Variants in PCDH7 observed in about 807,000 individuals in gnomAD.
The protein encoded by PCDH7 is protocadherin-7.
Under a neutral mutation model 58.9 loss-of-function variants are expected in PCDH7, and 17 were observed. The ratio of observed to expected loss-of-function variants is 0.29; its 90% CI spans 0.20 to 0.43. PCDH7 has a LOEUF of 0.43. Ranked by LOEUF, PCDH7 falls within the 20% of genes least tolerant of loss-of-function variation. The probability of loss-of-function intolerance (pLI) is 1.00; values close to 1 mark genes in which losing one functional copy is unlikely to be tolerated. For synonymous variants in PCDH7, 664 were observed against 616.4 expected, an observed-to-expected ratio of 1.08 and a Z score of -1.14; for missense variants, 1,274 against 1,441.0, an observed-to-expected ratio of 0.88 and a Z score of 1.88.
intron 1 of PCDH7, among the ~76,000 whole-genome samples, chr4:30,757,294 C>T (rs1719431624): frequency 6.6e-6 from 1 of 152,134 alleles, no homozygotes; most frequent in Non-Finnish European, 1.5e-5. Context: ...AAGAGTTATT[C>T]CAAAAAAATA....
intron 2 of PCDH7, among the ~76,000 whole-genome samples, chr4:30,937,924 C>T (rs1426933244): frequency 6.6e-6 from 1 of 150,754 alleles, no homozygotes; most frequent in Admixed American, 6.7e-5. Context: ...GTGTAGTTTG[C>T]TAATAATTGA....
chr4:31,105,861 G>A (rs902996856), intron 3 of PCDH7, among the ~76,000 whole-genome samples: 1 of 151,896 alleles, frequency 6.6e-6, no homozygotes, highest in African/African-American at 2.4e-5. Flanking sequence ...CAAAAAATTA[G>A]CTGGGCATGG....
At chr4:30,895,921 G>T (rs1443708842) in intron 1 of PCDH7, among the ~76,000 whole-genome samples, 1 of 152,268 alleles carries the variant, frequency 6.6e-6, no homozygotes, top group South Asian at 2.1e-4. Flanking sequence ...AATAATTCAG[G>T]ACTCTATTGA....
In PCDH7 at chr4:30,721,695, C is replaced by A. The variant is rs1025708308; in HGVS notation, c.273C>A (p.Ile91=). Reference sequence around the variant, plus strand: ...AGCTGAGCACGAGCGAGCGGCGCATCGACCGCGAGAAGCTGCCCCAGTGTC... The same window carrying A: ...AGCTGAGCACGAGCGAGCGGCGCATAGACCGCGAGAAGCTGCCCCAGTGTC... Residue 91 remains isoleucine, a synonymous_variant, in exon 1 of 2, where the codon ATC becomes ATA. Transcript: ENST00000361762. The surrounding 1 kb of genome is among the most constrained non-coding windows in gnomAD (Gnocchi z 6.7). 1.2e-6 allele frequency: 2 copies of A among 1,613,722 alleles called. No individual in the cohort carries two copies. The highest frequency in any genetic ancestry group is 1.7e-6 in the Non-Finnish European group (2 of 1,179,968).
chr4:30,877,908 A>G (rs1736486488), intron 1 of PCDH7, among the ~76,000 whole-genome samples: 1 of 151,984 alleles, frequency 6.6e-6, no homozygotes, highest in Admixed American at 6.6e-5. Context: ...CTTAATGGGA[A>G]CTCTGAATTG....
intron 3 of PCDH7, among the ~76,000 whole-genome samples, chr4:31,091,754 A>G (rs1713283772): frequency 1.3e-5 from 2 of 152,054 alleles, no homozygotes; most frequent in African/African-American, 4.8e-5. Context: ...ATAAAAATAT[A>G]TAATTCTCAC....
At chr4:31,108,940 A>AC (rs1462822214) in intron 3 of PCDH7, among the ~76,000 whole-genome samples, 1 of 152,064 alleles carries the variant, frequency 6.6e-6, no homozygotes, top group African/African-American at 2.4e-5. Flanking sequence ...TCTTGGTGGG[A>AC]CACATTCTGC....
intron 3 of PCDH7, among the ~76,000 whole-genome samples, chr4:31,130,754 T>A (rs995899176): frequency 1.3e-5 from 2 of 152,204 alleles, no homozygotes; most frequent in Non-Finnish European, 2.9e-5. Context: ...TCTTCAAAGC[T>A]GGCAATGACA....
chr4:30,804,667 T>C (rs1279299940), intron 1 of PCDH7, among the ~76,000 whole-genome samples: 1 of 152,214 alleles, frequency 6.6e-6, no homozygotes, highest in Non-Finnish European at 1.5e-5. Context: ...ACATTGAATC[T>C]GCTGGTGCCT....
intron 3 of PCDH7, among the ~76,000 whole-genome samples, chr4:31,100,453 G>A (rs1405616468): frequency 6.6e-6 from 1 of 152,146 alleles, no homozygotes; most frequent in Non-Finnish European, 1.5e-5. Context: ...AAGTCCCATC[G>A]TTTCTAAAGT....
chr4:30,834,228 G>A (rs1366366314), intron 1 of PCDH7, among the ~76,000 whole-genome samples: 1 of 152,130 alleles, frequency 6.6e-6, no homozygotes, highest in Non-Finnish European at 1.5e-5. Flanking sequence ...CACTGAGAAA[G>A]ATCCCCACTT....
intron 3 of PCDH7, among the ~76,000 whole-genome samples, chr4:31,113,643 T>C (rs1467861861): frequency 2.6e-5 from 4 of 152,112 alleles, no homozygotes; most frequent in Non-Finnish European, 5.9e-5. Context: ...TTTTAATTTG[T>C]GTAGTTTCAA....
chr4:30,984,706 A>G (rs941884947), intron 3 of PCDH7, among the ~76,000 whole-genome samples: 2 of 152,128 alleles, frequency 1.3e-5, no homozygotes, highest in Non-Finnish European at 2.9e-5. Flanking sequence ...TGCTGCTTCT[A>G]TGACAATGAA....
chr4:31,042,715 G>A (rs1231141202), intron 3 of PCDH7, among the ~76,000 whole-genome samples: 1 of 152,116 alleles, frequency 6.6e-6, no homozygotes, highest in Non-Finnish European at 1.5e-5. Flanking sequence ...GAAAAATGCA[G>A]ATGATCAGTG....
At chr4:31,078,226 C>T (rs1437814096) in intron 3 of PCDH7, among the ~76,000 whole-genome samples, 2 of 152,040 alleles carry the variant, frequency 1.3e-5, no homozygotes, top group Non-Finnish European at 2.9e-5. Flanking sequence ...TCAAAAGATC[C>T]CAGAATCAAG....
chr4:30,772,902 C>T lies in PCDH7; in HGVS notation c.70+48306C>T, dbSNP rs187915804. On this transcript the variant is annotated intron_variant, in intron 1 of 3. Coordinates refer to the PCDH7 transcript ENST00000509759. ...TATACTTTCTATTTTATTTATTTAT[C>T]TAATCCCTTTTTTTTGTGAGATAAA... 4.7e-3 allele frequency among the ~76,000 whole-genome samples: 710 copies of T among 152,164 alleles called. 2 individuals carry two copies. Among genetic ancestry groups the T allele is most frequent in the African/African-American group, 0.016 (670 of 41,512 alleles).
intron 3 of PCDH7, among the ~76,000 whole-genome samples, chr4:31,006,262 T>C (rs916821531): frequency 1.8e-4 from 28 of 152,190 alleles, no homozygotes; most frequent in Admixed American, 3.9e-4. Context: ...TATTCAGATA[T>C]ATGTTTTCCA....
intron 3 of PCDH7, among the ~76,000 whole-genome samples, chr4:31,114,168 G>A (rs999927435): frequency 7.2e-5 from 11 of 152,114 alleles, no homozygotes; most frequent in African/African-American, 2.7e-4. Flanking sequence ...TCACCAAAAT[G>A]TTTTGTATTA....
chr4:31,131,179 T>G (rs1415019297), intron 3 of PCDH7, among the ~76,000 whole-genome samples: 1 of 152,058 alleles, frequency 6.6e-6, no homozygotes, highest in Non-Finnish European at 1.5e-5. Flanking sequence ...AGAGCTTGCT[T>G]CTCCGTGCAT....
Sources: allele counts gnomAD v4.1 joint callset (sites outside exome capture counted in the v4.1 genomes callset), GRCh38; gene constraint gnomAD v4.1.1; non-coding constraint Gnocchi (gnomAD v3.1); transcripts MANE v1.5; gene names NCBI Gene and HGNC (gene_info 2026-07-23, HGNC 2026-07-21).